The following ZDHHC7 variants were observed in gnomAD, a reference collection of about 807,000 sequenced individuals.
ZDHHC7 encodes zDHHC palmitoyltransferase 7, also known as palmitoyltransferase ZDHHC7.
In ZDHHC7, 12 loss-of-function variants were observed where a neutral mutation model predicts 34.1. The observed-to-expected ratio is 0.35, with a 90% confidence interval of 0.23 to 0.57. ZDHHC7 has a LOEUF of 0.57. ZDHHC7 is among the 20% of genes least tolerant of loss of function. ZDHHC7 has a pLI of 0.84. For synonymous variants in ZDHHC7, 185 were observed against 155.4 expected (o/e 1.19, Z -1.42); for missense variants, 388 against 402.7 (o/e 0.96, Z 0.31).
Position 84,976,227 on chromosome 16 carries a change from T to G in ZDHHC7, c.*116A>C, listed in dbSNP as rs373790690. ...ATAAAACTCTGCTTGCTGCAAGCAA[T>G]TGGTTTGTGTAGGTTCCAGTTGCCC... On this transcript the variant is annotated 3_prime_UTR_variant, in exon 8 of 8. Transcript: ENST00000313732. 7.7e-7 allele frequency: 1 copy of G among 1,297,920 alleles called. No homozygotes were observed. Among genetic ancestry groups the G allele is most frequent in the Non-Finnish European group, 1.1e-6 (1 of 930,072 alleles). 80.4% of individuals were successfully genotyped at this position (1,297,920 alleles called of 1,614,324 possible). A position where few individuals can be genotyped will look rare whatever the true frequency, so the allele number is the denominator to read the frequency against.
chr16:85,011,584 A>C (rs1291364401), upstream of ZDHHC7: 6 of 152,242 alleles, frequency 3.9e-5, no homozygotes, highest in Non-Finnish European at 7.3e-5. Context: ...CCGGCCGCGC[A>C]GCTCTCGCGG....
intron 1 of ZDHHC7, among the ~76,000 whole-genome samples, chr16:84,998,706 A>G (rs1358676198): frequency 1.4e-5 from 2 of 146,668 alleles, no homozygotes; most frequent in Admixed American, 1.4e-4. Flanking sequence ...CTGACACAGC[A>G]CTGGTTCCCC....
intron 2 of ZDHHC7, among the ~76,000 whole-genome samples, chr16:84,991,317 C>T (rs2072506560): frequency 6.6e-6 from 1 of 152,104 alleles, no homozygotes; most frequent in Non-Finnish European, 1.5e-5. Flanking sequence ...AACCAAGTCT[C>T]ACTCTGTTGC....
At chr16:84,997,717 A>AC (rs1259076728) in intron 1 of ZDHHC7, among the ~76,000 whole-genome samples, 1 of 146,402 alleles carries the variant, frequency 6.8e-6, no homozygotes, top group African/African-American at 2.5e-5. Flanking sequence ...AAACAGTGAA[A>AC]CCCCGTCTCT....
rs114792157 is a variant in ZDHHC7, at chr16:84,985,293, G to A, written c.316-3299C>T. On this transcript the variant is annotated intron_variant, in intron 3 of 7. Transcript: ENST00000313732. ...CAGGCAAGGCGCTCTGTGCCACCTC[G>A]CCCTTCCAGGGCAGTTAGGCTTCGC... 6.7e-3 allele frequency among the ~76,000 whole-genome samples: 1,023 copies of A among 152,330 alleles called. 15 individuals are homozygous for A. The highest frequency in any genetic ancestry group is 0.023 in the African/African-American group (965 of 41,576).
intron 1 of ZDHHC7, among the ~76,000 whole-genome samples, chr16:84,997,622 C>T (rs532767175): frequency 6.6e-5 from 10 of 151,344 alleles, no homozygotes; most frequent in African/African-American, 1.9e-4. Flanking sequence ...GGGCCAGGCA[C>T]AGTGGCTCAC....
chr16:84,976,384 G>T lies in ZDHHC7; in HGVS notation c.886C>A (p.Pro296Thr). 6.2e-7 allele frequency: 1 copy of T among 1,614,126 alleles called. No homozygotes were observed. The highest frequency in any genetic ancestry group is 8.5e-7 in the Non-Finnish European group (1 of 1,180,016). ...PFVGFRFRRL[P>T]TRPRKGGPEF... ...GGGCCACCTTTTCTGGGTCTCGTGG[G>T]CAGTCGCCTAAATCGGAAGCCCACA... is the stretch of plus-strand genomic sequence containing the variant. Residue 296 changes from proline to threonine, a missense_variant, in exon 8 of 8, where the codon CCC becomes ACC. Pro to Thr is a conservative substitution (Grantham distance 38). Coordinates refer to ENST00000313732, the MANE Select transcript of ZDHHC7 (RefSeq NM_017740.3).
At chr16:85,003,314 C>T (rs749196996) in intron 1 of ZDHHC7, among the ~76,000 whole-genome samples, 11 of 152,182 alleles carry the variant, frequency 7.2e-5, no homozygotes, top group Non-Finnish European at 1.2e-4. Context: ...AACGGGGCCA[C>T]ATCCCAGGTA....
chr16:85,020,489 G>C, the ZDHHC7 span, among the ~76,000 whole-genome samples: 1 of 152,168 alleles, frequency 6.6e-6, no homozygotes, highest in African/African-American at 2.4e-5. Flanking sequence ...CTCTGACTTG[G>C]TCTGGAGGTC....
intron 1 of ZDHHC7, among the ~76,000 whole-genome samples, chr16:85,003,117 G>A (rs896894530): frequency 2.6e-5 from 4 of 152,248 alleles, no homozygotes; most frequent in South Asian, 2.1e-4. Flanking sequence ...AGATGCAAGC[G>A]GGAGAGGCCA....
At chr16:85,002,375 A>G (rs1454732265) in intron 1 of ZDHHC7, among the ~76,000 whole-genome samples, 3 of 152,198 alleles carry the variant, frequency 2.0e-5, no homozygotes, top group Non-Finnish European at 2.9e-5. Flanking sequence ...GTTCAAGGCC[A>G]CATCCATAGC....
intron 3 of ZDHHC7, among the ~76,000 whole-genome samples, chr16:84,986,909 G>C (rs1377640208): frequency 6.6e-6 from 1 of 152,204 alleles, no homozygotes; most frequent in Non-Finnish European, 1.5e-5. Flanking sequence ...TCTGTGGAGA[G>C]AAGAAATCAA....
chr16:84,977,481 A>G (rs767051645), intron 6 of ZDHHC7, among the ~76,000 whole-genome samples: 7 of 152,216 alleles, frequency 4.6e-5, no homozygotes, highest in Non-Finnish European at 8.8e-5. Context: ...TTGACACTGT[A>G]TTTATGAATT....
At position 84,990,516 on chromosome 16, in the gene ZDHHC7, C is replaced by T. The variant is rs753278313; in HGVS notation, c.103G>A (p.Val35Met). The T allele has an allele frequency of 8.7e-6, 14 of 1,614,068 alleles. No homozygotes were observed. Among genetic ancestry groups the T allele is most frequent in the Middle Eastern group, 1.6e-4 (1 of 6,082 alleles). Residue 35 changes from valine to methionine, a missense_variant, in exon 3 of 8, where the codon GTG becomes ATG. By Grantham distance (21) the Val-to-Met change is conservative. Transcript: ENST00000313732. ...CGGATGAACCAGACCCGGTCAGCCA[C>T]GTCAGCCTCGGAGGAGGAGGACGAT... The part of the protein sequence containing the change: ...SSSSSSSEAD[V>M]ADRVWFIRDG...
intron 1 of ZDHHC7, among the ~76,000 whole-genome samples, chr16:85,008,659 T>C (rs1233768616): frequency 1.3e-5 from 2 of 152,036 alleles, no homozygotes; most frequent in Non-Finnish European, 2.9e-5. Context: ...ACACAGCAAG[T>C]TGTTAACACT....
chr16:84,998,279 T>G (rs946806238), intron 1 of ZDHHC7, among the ~76,000 whole-genome samples: 2 of 148,058 alleles, frequency 1.4e-5, no homozygotes, highest in African/African-American at 2.5e-5. Flanking sequence ...AAAAAAAAAA[T>G]TAGAAGATCG....
At chr16:85,024,230 GTTTTTTT>G in the ZDHHC7 span, among the ~76,000 whole-genome samples, 5 of 108,730 alleles carry the variant, frequency 4.6e-5, no homozygotes, top group Non-Finnish European at 9.2e-5. Context: ...AGAGTTTTTT[GTTTTTTT>G]TTTTTTTTTT....
chr16:85,007,107 G>A (rs2072727611), intron 1 of ZDHHC7, among the ~76,000 whole-genome samples: 1 of 151,908 alleles, frequency 6.6e-6, no homozygotes, highest in South Asian at 2.1e-4. Flanking sequence ...GGATTAATAG[G>A]ATTCTACTGA....
chr16:85,008,815 G>T (rs1437600036), intron 1 of ZDHHC7, among the ~76,000 whole-genome samples: 2 of 151,946 alleles, frequency 1.3e-5, no homozygotes, highest in African/African-American at 4.8e-5. Context: ...GGAGGCTGAG[G>T]CAGGCGGATC....
Sources: gnomAD v4.1 joint callset for allele counts (sites outside exome capture counted in the v4.1 genomes callset) on GRCh38, gnomAD v4.1.1 for gene constraint, MANE v1.5 for transcripts, NCBI Gene and HGNC (gene_info 2026-07-23, HGNC 2026-07-21) for gene names.